The following GRIN2A variants were observed in gnomAD, a reference collection of about 807,000 sequenced individuals.
GRIN2A encodes the protein glutamate ionotropic receptor NMDA type subunit 2A, also known as glutamate receptor ionotropic, NMDA 2A.
GRIN2A carries 22 observed loss-of-function variants against 113.4 expected under a neutral mutation model. That is an observed-to-expected ratio of 0.19 (90% CI 0.14 to 0.28). GRIN2A has a LOEUF of 0.28. GRIN2A is among the 10% of genes least tolerant of loss of function. GRIN2A has a pLI of 1.00. For synonymous variants in GRIN2A, 827 were observed against 738.4 expected (o/e 1.12, Z -1.94); for missense variants, 1,502 against 1,887.0 (o/e 0.80, Z 3.78).
At position 9,763,521 on chromosome 16, in the gene GRIN2A, G is replaced by A. The variant is rs749919548; in HGVS notation, c.4023C>T (p.Ser1341=). The A allele has an allele frequency of 6.2e-7, 1 of 1,614,100 alleles. No homozygotes were observed. The highest frequency in any genetic ancestry group is 8.5e-7 in the Non-Finnish European group (1 of 1,179,996). The change falls in exon 13 of 13, where the codon AGC becomes AGT. Residue 1341 remains serine (S), a synonymous_variant. Transcript: ENST00000330684. The part of the protein sequence containing the change: ...VPSSKLSGKK[S]SLFPQGLEDS... ...CCTCCAGACCTTGGGGGAAAAGGGAGCTTTTTTTCCCCGAGAGTTTGCTTG... is the reference window on the plus strand; with the variant it reads ...CCTCCAGACCTTGGGGGAAAAGGGAACTTTTTTTCCCCGAGAGTTTGCTTG...
intron 3 of GRIN2A, among the ~76,000 whole-genome samples, chr16:9,922,590 C>G (rs749045868): frequency 9.2e-5 from 14 of 152,170 alleles, no homozygotes; most frequent in Non-Finnish European, 1.9e-4. Flanking sequence ...CCTGACTGTT[C>G]TGAGCAGCAA....
chr16:9,834,466 C>T (rs1333159651), intron 7 of GRIN2A, among the ~76,000 whole-genome samples: 1 of 152,174 alleles, frequency 6.6e-6, no homozygotes. Flanking sequence ...GCTGCAACCT[C>T]CGCCCCCCAG....
intron 2 of GRIN2A, among the ~76,000 whole-genome samples, chr16:9,951,222 G>A (rs564097187): frequency 9.2e-5 from 14 of 152,300 alleles, no homozygotes; most frequent in Non-Finnish European, 1.9e-4. Context: ...AGGAGATTTA[G>A]CAACCTAATC....
intron 2 of GRIN2A, among the ~76,000 whole-genome samples, chr16:9,968,714 T>C (rs1454071493): frequency 1.3e-5 from 2 of 151,762 alleles, no homozygotes; most frequent in East Asian, 1.9e-4. Context: ...TTCAAGAGAG[T>C]CTCCTGCTTC....
At chr16:10,053,855 A>G (rs2047400969) in intron 2 of GRIN2A, among the ~76,000 whole-genome samples, 3 of 152,346 alleles carry the variant, frequency 2.0e-5, no homozygotes, top group African/African-American at 7.2e-5. Context: ...AGAAGTTAAA[A>G]TTTAATTTTA....
chr16:10,153,208 G>A (rs77726037), intron 2 of GRIN2A, among the ~76,000 whole-genome samples: 2 of 152,134 alleles, frequency 1.3e-5, no homozygotes, highest in Non-Finnish European at 2.9e-5. Context: ...TGTAGGGCAG[G>A]GGGTATTTGG....
At chr16:10,163,235 C>A (rs2049840873) in intron 2 of GRIN2A, among the ~76,000 whole-genome samples, 1 of 152,128 alleles carries the variant, frequency 6.6e-6, no homozygotes, top group Non-Finnish European at 1.5e-5. Context: ...GGGAGAAAGG[C>A]AGGCTTATGA....
chr16:10,009,681 C>G (rs1442729485), intron 2 of GRIN2A, among the ~76,000 whole-genome samples: 1 of 151,940 alleles, frequency 6.6e-6, no homozygotes, highest in Non-Finnish European at 1.5e-5. Flanking sequence ...GATATAAGCA[C>G]AGATTGCAAA....
chr16:10,094,592 G>A (rs1480771771), intron 2 of GRIN2A, among the ~76,000 whole-genome samples: 1 of 152,040 alleles, frequency 6.6e-6, no homozygotes, highest in Non-Finnish European at 1.5e-5. Flanking sequence ...TGGGAGTACA[G>A]GCACCCACCA....
At chr16:9,783,318 C>T (rs1397410992) in intron 11 of GRIN2A, among the ~76,000 whole-genome samples, 2 of 152,200 alleles carry the variant, frequency 1.3e-5, no homozygotes, top group Admixed American at 1.3e-4. Context: ...AAATCTAGTT[C>T]CAGATCCGAT....
At chr16:10,108,694 T>C (rs1255841909) in intron 2 of GRIN2A, among the ~76,000 whole-genome samples, 1 of 152,208 alleles carries the variant, frequency 6.6e-6, no homozygotes, top group African/African-American at 2.4e-5. Flanking sequence ...TTAACCACTA[T>C]AGATACTGCT....
intron 2 of GRIN2A, among the ~76,000 whole-genome samples, chr16:10,131,407 G>A (rs1054557118): frequency 5.3e-5 from 8 of 151,698 alleles, no homozygotes; most frequent in African/African-American, 1.9e-4. Context: ...GAAGTTGGAA[G>A]CTAAAGGGTC....
At chr16:9,903,495 C>A (rs1440175188) in intron 3 of GRIN2A, among the ~76,000 whole-genome samples, 1 of 152,178 alleles carries the variant, frequency 6.6e-6, no homozygotes, top group African/African-American at 2.4e-5. Flanking sequence ...ACCCGAGGAC[C>A]ACCTTTTCCC....
chr16:9,779,821 G>A (rs1901837004), intron 11 of GRIN2A, among the ~76,000 whole-genome samples: 1 of 152,182 alleles, frequency 6.6e-6, no homozygotes, highest in African/African-American at 2.4e-5. Context: ...GCACCAGATG[G>A]GGTGAGACAG....
chr16:9,798,248 C>A, intron 11 of GRIN2A, 29 bp downstream of exon 11: 2 of 1,600,660 alleles, frequency 1.2e-6, no homozygotes, highest in African/African-American at 1.3e-5. Flanking sequence ...TCAAGTCCCC[C>A]TAAAGAAAGG....
chr16:9,992,924 G>C lies in GRIN2A; in HGVS notation c.415-54373C>G, dbSNP rs147004830. Among the ~76,000 whole-genome samples, 628 of 152,176 alleles carry C rather than the reference G, an allele frequency of 4.1e-3. 4 individuals are homozygous for C. The highest frequency in any genetic ancestry group is 0.014 in the African/African-American group (576 of 41,530). On this transcript the variant is annotated intron_variant, in intron 2 of 12. Transcript: ENST00000330684. ...ATAAACTCTCATATCTAAAAAATAAGATAAAATAAGGCCGGTGGCGGTGGC... is the reference window on the plus strand; with the variant it reads ...ATAAACTCTCATATCTAAAAAATAACATAAAATAAGGCCGGTGGCGGTGGC...
At chr16:10,022,475 G>A (rs543687969) in intron 2 of GRIN2A, among the ~76,000 whole-genome samples, 3 of 152,190 alleles carry the variant, frequency 2.0e-5, no homozygotes, top group South Asian at 2.1e-4. Flanking sequence ...GTTTAGCCTC[G>A]CTTTAAAGTC....
chr16:9,951,045 T>C (rs2045167684), intron 2 of GRIN2A, among the ~76,000 whole-genome samples: 1 of 152,310 alleles, frequency 6.6e-6, no homozygotes, highest in East Asian at 1.9e-4. Flanking sequence ...TCCCTCCTTA[T>C]CGGTGCTTAA....
At chr16:10,124,131 G>A (rs2048882956) in intron 2 of GRIN2A, among the ~76,000 whole-genome samples, 1 of 152,214 alleles carries the variant, frequency 6.6e-6, no homozygotes, top group African/African-American at 2.4e-5. Flanking sequence ...AAAAAGCGAG[G>A]TATTGCAGTG....
Sources: allele counts gnomAD v4.1 joint callset (sites outside exome capture counted in the v4.1 genomes callset), GRCh38; gene constraint gnomAD v4.1.1; transcripts MANE v1.5; gene names NCBI Gene and HGNC (gene_info 2026-07-23, HGNC 2026-07-21).